Variants in DNM1L observed in about 807,000 individuals in gnomAD.
DNM1L encodes dynamin 1L.
DNM1L carries 33 observed loss-of-function variants against 92.8 expected under a neutral mutation model. The observed-to-expected ratio is 0.36, with a 90% CI of 0.27 to 0.48. The LOEUF (loss-of-function observed/expected upper bound fraction) is 0.48. DNM1L is among the 20% of genes least tolerant of loss of function. The pLI is 0.99. For synonymous variants in DNM1L, 284 were observed against 305.0 expected (o/e 0.93, Z 0.72); for missense variants, 485 against 888.8 (o/e 0.55, Z 5.78).
intron 19 of DNM1L, 125 bp from the exon 20 acceptor site, chr12:32,743,229 T>TTAGTATAAAC: frequency 1.7e-6 from 1 of 605,012 alleles, no homozygotes; most frequent in Non-Finnish European, 2.7e-6. Context: ...AGAGAAGATA[T>TTAGTATAAAC]TGGTTAGTAT....
intron 2 of DNM1L, among the ~76,000 whole-genome samples, chr12:32,705,147 C>T (rs1161881220): frequency 2.0e-5 from 3 of 151,778 alleles, no homozygotes; most frequent in Admixed American, 1.3e-4. Flanking sequence ...GGATTACAGG[C>T]GTGTGCCACT....
At chr12:32,722,719 T>C in intron 9 of DNM1L, 86 bp downstream of exon 9, 1 of 989,400 alleles carries the variant, frequency 1.0e-6, no homozygotes, top group Non-Finnish European at 1.6e-6. Flanking sequence ...GCTCAGATTA[T>C]CTGATTAAGA....
At chr12:32,717,439 T>A (rs1180454423) in intron 6 of DNM1L, among the ~76,000 whole-genome samples, 1 of 97,232 alleles carries the variant, frequency 1.0e-5, no homozygotes, top group African/African-American at 4.6e-5. Context: ...ATATATATTT[T>A]AAATATATAC....
At chr12:32,743,301 T>A (rs1955446567) in intron 19 of DNM1L, 53 bp from the exon 20 acceptor site, 1 of 1,520,444 alleles carries the variant, frequency 6.6e-7, no homozygotes, top group Non-Finnish European at 9.0e-7. Context: ...GTAATTCAGA[T>A]TAATTTCATA....
At chr12:32,688,924 G>A (rs889982895) in intron 1 of DNM1L, among the ~76,000 whole-genome samples, 1 of 152,164 alleles carries the variant, frequency 6.6e-6, no homozygotes, top group African/African-American at 2.4e-5. Flanking sequence ...TAAGCCAAGT[G>A]TGGTGGCCTG....
chr12:32,740,895 T>C (rs1389461080), intron 18 of DNM1L, among the ~76,000 whole-genome samples: 1 of 152,236 alleles, frequency 6.6e-6, no homozygotes, highest in Non-Finnish European at 1.5e-5. Context: ...CGAATGTCTT[T>C]TACTAGGAAA....
At chr12:32,730,936 G>C (rs1353013212) in intron 9 of DNM1L, 78 bp from the exon 10 acceptor site, 3 of 1,595,712 alleles carry the variant, frequency 1.9e-6, no homozygotes, top group African/African-American at 2.7e-5. Context: ...TGAGCTTAAA[G>C]CTTCTAGAAA....
At chr12:32,699,933 A>AATCTG (rs1427675511) in intron 1 of DNM1L, among the ~76,000 whole-genome samples, 2 of 152,184 alleles carry the variant, frequency 1.3e-5, no homozygotes, top group African/African-American at 2.4e-5. Context: ...GAATGCTTAA[A>AATCTG]ATCTGTATGC....
At chr12:32,686,937 C>CTTTTTTTTT (rs71447614) in intron 1 of DNM1L, among the ~76,000 whole-genome samples, 162 of 95,556 alleles carry the variant, frequency 1.7e-3, no homozygotes, top group Non-Finnish European at 2.3e-3. Context: ...TCTTTTTTTT[C>CTTTTTTTTT]TTTTTTTTTT....
intron 9 of DNM1L, chr12:32,727,336 T>C (rs181712339): frequency 2.5e-6 from 2 of 804,900 alleles, no homozygotes; most frequent in South Asian, 2.7e-5. Context: ...ACTCCTCTTT[T>C]AACTACCCTA....
chr12:32,699,606 G>A (rs1377965976), intron 1 of DNM1L, among the ~76,000 whole-genome samples: 2 of 151,830 alleles, frequency 1.3e-5, no homozygotes, highest in African/African-American at 2.4e-5. Context: ...AACCAGCCTG[G>A]CGCACATGGT....
intron 1 of DNM1L, among the ~76,000 whole-genome samples, chr12:32,695,170 C>T (rs957230438): frequency 6.6e-6 from 1 of 152,074 alleles, no homozygotes; most frequent in Non-Finnish European, 1.5e-5. Context: ...TTTTTGAATA[C>T]TATATGAAAA....
chr12:32,739,900 C>T (rs1955164166), intron 16 of DNM1L, 164 bp from the exon 17 acceptor site: 2 of 822,694 alleles, frequency 2.4e-6, no homozygotes, highest in African/African-American at 1.7e-5. Flanking sequence ...GTCAGGGTTC[C>T]AGTTATACAT....
intron 1 of DNM1L, among the ~76,000 whole-genome samples, chr12:32,693,903 T>G (rs1952328921): frequency 6.6e-6 from 1 of 152,022 alleles, no homozygotes; most frequent in Non-Finnish European, 1.5e-5. Flanking sequence ...CCTCCCACAT[T>G]GCTGGGGTTA....
At chr12:32,687,878 ATTGTT>A (rs974948622) in intron 1 of DNM1L, among the ~76,000 whole-genome samples, 3 of 151,952 alleles carry the variant, frequency 2.0e-5, no homozygotes, top group Non-Finnish European at 2.9e-5. Flanking sequence ...CTTTTTCAAA[ATTGTT>A]TTGGTTGTTT....
rs1953215601 is a variant in DNM1L, at chr12:32,713,381, G to A, written c.619+10G>A. On this transcript the variant is annotated intron_variant, in intron 6 of 19. Coordinates refer to ENST00000549701, the MANE Select transcript of DNM1L (RefSeq NM_012062.5). ...GAGGTAGATCCAGATGGTAAGGACA[G>A]ATGTTAATTTAATGAGATGCTTATT... 1.9e-6 allele frequency: 3 copies of A among 1,613,694 alleles called. No homozygotes were observed. The highest frequency in any genetic ancestry group is 2.5e-6 in the Non-Finnish European group (3 of 1,179,766).
rs548881733 is a variant in DNM1L at position 32,683,315 on chromosome 12, C to T, written c.102+3850C>T. 2.6e-3 allele frequency among the ~76,000 whole-genome samples: 389 copies of T among 152,044 alleles called. 1 individual carries two copies. Among genetic ancestry groups the T allele is most frequent in the Admixed American group, 4.8e-3 (73 of 15,252 alleles). On this transcript the variant is annotated intron_variant, in intron 1 of 19. Transcript: ENST00000549701. ...CCATAGCTCACTGTAACCTCAAATT[C>T]CTGGGCTCAAGCAGTCCTCTTGCCT...
chr12:32,707,052 CA>C (rs994511597), intron 2 of DNM1L: 10 of 259,782 alleles, frequency 3.8e-5, no homozygotes, highest in Admixed American at 2.1e-4. Flanking sequence ...TATAACTACA[CA>C]AAAAAATATG....
At chr12:32,723,693 CAAAAAAAAAAAA>C (rs1172541097) in intron 9 of DNM1L, among the ~76,000 whole-genome samples, 1 of 56,010 alleles carries the variant, frequency 1.8e-5, no homozygotes, top group African/African-American at 5.7e-5. Flanking sequence ...GACTCTGTCT[CAAAAAAAAAAAA>C]AAAAAAAAAC....
Sources: gnomAD v4.1 joint callset for allele counts (sites outside exome capture counted in the v4.1 genomes callset) on GRCh38, gnomAD v4.1.1 for gene constraint, MANE v1.5 for transcripts, NCBI Gene and HGNC (gene_info 2026-07-23, HGNC 2026-07-21) for gene names.